Variants in TMEM267 observed in about 807,000 individuals in gnomAD.
TMEM267 encodes transmembrane protein C5orf28.
TMEM267 carries 20 observed loss-of-function variants against 19.3 expected under a neutral mutation model. The observed-to-expected ratio is 1.04, with a 90% CI of 0.73 to 1.51. The LOEUF (loss-of-function observed/expected upper bound fraction) is 1.51. Ranked by LOEUF, TMEM267 falls within the 40% of genes most tolerant of loss-of-function variation. The pLI is 0.00. For missense variants in TMEM267, 242 were observed against 261.9 expected, an observed-to-expected ratio of 0.92 and a Z score of 0.52; for synonymous variants, 88 against 90.3, an observed-to-expected ratio of 0.97 and a Z score of 0.15.
chr5:43,482,925 C>T (rs989298625), intron 1 of TMEM267, among the ~76,000 whole-genome samples: 12 of 151,938 alleles, frequency 7.9e-5, no homozygotes, highest in African/African-American at 2.7e-4. Flanking sequence ...AGAGCTGATA[C>T]ATTCTCTAAG....
intron 1 of TMEM267, among the ~76,000 whole-genome samples, chr5:43,457,136 T>C (rs1742999456): frequency 6.6e-6 from 1 of 152,230 alleles, no homozygotes; most frequent in Non-Finnish European, 1.5e-5. Context: ...CCCATAGAAC[T>C]GTGCGACATA....
At position 43,445,339 on chromosome 5, in the gene TMEM267, A is replaced by G. The variant is rs1156893712; in HGVS notation, c.*883T>C. On this transcript the variant is annotated 3_prime_UTR_variant, in exon 3 of 3. Coordinates refer to ENST00000397080, the MANE Select transcript of TMEM267 (RefSeq NM_022483.5). Reference sequence around the variant, plus strand: ...ATATAAACAAACTGATAGCAACTAAAATAATTTTAATGGTACATTCAGGAA... The same window carrying G: ...ATATAAACAAACTGATAGCAACTAAGATAATTTTAATGGTACATTCAGGAA... The G allele has an allele frequency of 6.6e-6, 1 of 152,192 alleles. No homozygotes were observed. Among genetic ancestry groups the G allele is most frequent in the African/African-American group, 2.4e-5 (1 of 41,468 alleles). 9.4% of individuals were successfully genotyped at this position (152,192 alleles called of 1,614,324 possible).
At chr5:43,449,431 T>C (rs1742450074) in intron 2 of TMEM267, among the ~76,000 whole-genome samples, 1 of 151,674 alleles carries the variant, frequency 6.6e-6, no homozygotes, top group Non-Finnish European at 1.5e-5. Context: ...AACAAAGAAA[T>C]AGAATGGAAC....
chr5:43,470,750 A>G (rs867888972), intron 1 of TMEM267, among the ~76,000 whole-genome samples: 3 of 152,192 alleles, frequency 2.0e-5, no homozygotes, highest in Non-Finnish European at 4.4e-5. Context: ...GAGCAATCAG[A>G]TAAGAGAAAG....
chr5:43,464,647 T>A (rs1465802124), intron 1 of TMEM267, among the ~76,000 whole-genome samples: 1 of 152,138 alleles, frequency 6.6e-6, no homozygotes, highest in Non-Finnish European at 1.5e-5. Flanking sequence ...TCAGAAATAA[T>A]GCCACATATC....
intron 1 of TMEM267, among the ~76,000 whole-genome samples, chr5:43,465,235 T>C (rs1421124734): frequency 6.6e-6 from 1 of 152,060 alleles, no homozygotes; most frequent in Non-Finnish European, 1.5e-5. Flanking sequence ...ATCAGAGAAA[T>C]GCAAATCAAA....
chr5:43,447,907 A>G (rs1041106593), intron 2 of TMEM267, among the ~76,000 whole-genome samples: 1 of 152,208 alleles, frequency 6.6e-6, no homozygotes, highest in Non-Finnish European at 1.5e-5. Context: ...TGGACCTTCA[A>G]GACTCTGAAA....
intron 1 of TMEM267, among the ~76,000 whole-genome samples, chr5:43,455,213 C>G (rs956569543): frequency 1.3e-5 from 2 of 152,078 alleles, no homozygotes; most frequent in Non-Finnish European, 2.9e-5. Flanking sequence ...TGCTTGAGGA[C>G]AGGAGCTCGA....
Position 43,453,673 on chromosome 5 carries a change from T to A in TMEM267, c.297A>T (p.Gly99=). The part of the protein sequence containing the change: ...VIDVDHFFLA[G]SMSLKAALTL... ...TGCTTTTTACCTTTAAAGACATGGA[T>A]CCAGCTAGAAAAAAGTGGTCTACAT... Residue 99 remains glycine (G), a synonymous_variant, in exon 2 of 3, where the codon GGA becomes GGT. Transcript: ENST00000397080. The A allele has an allele frequency of 6.2e-6, 10 of 1,613,728 alleles. No homozygotes were observed. Among genetic ancestry groups the A allele is most frequent in the Non-Finnish European group, 8.5e-6 (10 of 1,179,846 alleles).
At chr5:43,464,250 G>C (rs1050891747) in intron 1 of TMEM267, among the ~76,000 whole-genome samples, 2 of 151,744 alleles carry the variant, frequency 1.3e-5, no homozygotes, top group African/African-American at 4.9e-5. Flanking sequence ...ACTTACAAGG[G>C]ATGTGAAGGA....
chr5:43,481,091 A>T (rs1029666646), intron 1 of TMEM267, among the ~76,000 whole-genome samples: 2 of 147,934 alleles, frequency 1.4e-5, no homozygotes, highest in African/African-American at 5.0e-5. Flanking sequence ...GGCGTGAGCC[A>T]CTGCGCCCGG....
At position 43,453,987 on chromosome 5, in the gene TMEM267, T is replaced by C. The variant is rs757191385; in HGVS notation, c.-18A>G. On this transcript the variant is annotated 5_prime_UTR_variant, in exon 2 of 3. The change creates a new upstream start codon in the 5' untranslated region. Coordinates refer to ENST00000397080, the MANE Select transcript of TMEM267 (RefSeq NM_022483.5). ...GATGCCATGACAAACAATATGTTAG[T>C]ATAGACTAAAAGCCATCAGGAATGA... 8 of 1,607,646 alleles carry C rather than the reference T, an allele frequency of 5.0e-6. No homozygotes were observed. In the South Asian group the frequency reaches 8.8e-5, roughly 18 times the overall value.
intron 1 of TMEM267, among the ~76,000 whole-genome samples, chr5:43,461,146 C>A (rs1237237282): frequency 4.6e-5 from 7 of 152,180 alleles, no homozygotes; most frequent in African/African-American, 1.4e-4. Context: ...ATTCCAGGCC[C>A]TAGTTCCCAG....
At chr5:43,476,508 C>CTTTTTTTTTTTTT (rs67848213) in intron 1 of TMEM267, among the ~76,000 whole-genome samples, 10 of 54,824 alleles carry the variant, frequency 1.8e-4, no homozygotes, top group Non-Finnish European at 2.2e-4. Context: ...AAAGCCAGAC[C>CTTTTTTTTTTTTT]TTTTTTTTTT....
chr5:43,453,132 T>C (rs1196169990), intron 2 of TMEM267, among the ~76,000 whole-genome samples: 1 of 152,200 alleles, frequency 6.6e-6, no homozygotes, highest in African/African-American at 2.4e-5. Context: ...AATACATGCC[T>C]TTCGCTCCAA....
At chr5:43,456,063 G>A (rs576997926) in intron 1 of TMEM267, among the ~76,000 whole-genome samples, 4 of 150,820 alleles carry the variant, frequency 2.7e-5, no homozygotes, top group East Asian at 2.0e-4. Flanking sequence ...AGCTGGTCTC[G>A]AACTCCTGGC....
chr5:43,481,574 G>A (rs546466246), intron 1 of TMEM267, among the ~76,000 whole-genome samples: 6 of 152,046 alleles, frequency 3.9e-5, no homozygotes, highest in Non-Finnish European at 8.8e-5. Context: ...ACTGTATCAC[G>A]GTTTACGAAT....
chr5:43,478,876 A>G (rs1354742017), intron 1 of TMEM267, among the ~76,000 whole-genome samples: 1 of 152,158 alleles, frequency 6.6e-6, no homozygotes, highest in African/African-American at 2.4e-5. Flanking sequence ...GGAGTAGGGA[A>G]ATAATGATCA....
In TMEM267 at chr5:43,446,002, C is replaced by A; in HGVS notation, c.*220G>T. 3.3e-6 allele frequency: 1 copy of A among 300,012 alleles called. No homozygotes were observed. Among genetic ancestry groups the A allele is most frequent in the East Asian group, 5.5e-5 (1 of 18,036 alleles). The allele number at this position is 300,012 out of a possible 1,614,324, so 18.6% of individuals were successfully genotyped here. ...AAAATATATTGTGGAATAAATGAAA[C>A]TCTAATATTGCACTAGAGTTGTCAT... On this transcript the variant is annotated 3_prime_UTR_variant, in exon 3 of 3. Coordinates refer to ENST00000397080, the MANE Select transcript of TMEM267 (RefSeq NM_022483.5).
Sources: allele counts gnomAD v4.1 joint callset (sites outside exome capture counted in the v4.1 genomes callset), GRCh38; gene constraint gnomAD v4.1.1; transcripts MANE v1.5; gene names NCBI Gene and HGNC (gene_info 2026-07-23, HGNC 2026-07-21).